EYS: variants seen among roughly 807,000 people sequenced by gnomAD.
EYS encodes EGF-like photoreceptor maintenance factor.
EYS carries 250 observed loss-of-function variants against 282.1 expected under a neutral mutation model. The ratio of observed to expected loss-of-function variants is 0.89; its 90% CI spans 0.80 to 0.98. The LOEUF is 0.98. Among genes scored for constraint, EYS ranks in the 50% least tolerant of loss-of-function variants. The pLI is 0.00. For missense variants in EYS, 4,016 were observed against 3,709.0 expected (o/e 1.08, Z -2.15); for synonymous variants, 1,355 against 1,282.9 (o/e 1.06, Z -1.20).
chr6:65,508,409 C>T (rs969114103), intron 2 of EYS, among the ~76,000 whole-genome samples: 2 of 152,038 alleles, frequency 1.3e-5, no homozygotes, highest in African/African-American at 4.8e-5. Flanking sequence ...AGTGGTGGCT[C>T]ACACCTGTAA....
chr6:64,259,677 A>G (rs202146639), intron 30 of EYS, among the ~76,000 whole-genome samples: 1 of 67,724 alleles, frequency 1.5e-5, no homozygotes, highest in Non-Finnish European at 3.3e-5. Flanking sequence ...CACACACACA[A>G]TCTGAGTTCT....
At chr6:64,131,219 G>C (rs1299310765) in intron 31 of EYS, among the ~76,000 whole-genome samples, 1 of 152,164 alleles carries the variant, frequency 6.6e-6, no homozygotes, top group Non-Finnish European at 1.5e-5. Flanking sequence ...TTTTAGAGGG[G>C]AGTGACGTGG....
intron 30 of EYS, among the ~76,000 whole-genome samples, chr6:64,288,744 C>T (rs1414405589): frequency 6.6e-6 from 1 of 152,074 alleles, no homozygotes; most frequent in African/African-American, 2.4e-5. Context: ...ATTTGCTCCT[C>T]TTTTGGTGGT....
At chr6:65,088,730 G>T (rs969060859) in intron 12 of EYS, among the ~76,000 whole-genome samples, 1 of 152,080 alleles carries the variant, frequency 6.6e-6, no homozygotes, top group Non-Finnish European at 1.5e-5. Context: ...AGACAATGGG[G>T]TAACGTCTCC....
At chr6:65,499,983 A>G (rs899560658) in intron 2 of EYS, among the ~76,000 whole-genome samples, 3 of 151,960 alleles carry the variant, frequency 2.0e-5, no homozygotes, top group African/African-American at 7.2e-5. Flanking sequence ...TTAAGTCACC[A>G]TAGTGTCCAA....
At chr6:63,763,606 G>A (rs1264804452) in intron 40 of EYS, among the ~76,000 whole-genome samples, 1 of 151,476 alleles carries the variant, frequency 6.6e-6, no homozygotes, top group Non-Finnish European at 1.5e-5. Context: ...TTTATAAGGG[G>A]CTTCCTTCTT....
intron 29 of EYS, among the ~76,000 whole-genome samples, chr6:64,347,822 G>C (rs1273855474): frequency 6.6e-6 from 1 of 151,082 alleles, no homozygotes; most frequent in Non-Finnish European, 1.5e-5. Context: ...ACTGTGTCGT[G>C]CTATCTTCTT....
chr6:64,490,876 CT>C (rs966334304), intron 26 of EYS, among the ~76,000 whole-genome samples: 3 of 150,692 alleles, frequency 2.0e-5, no homozygotes, highest in African/African-American at 4.8e-5. Context: ...TAAAACCACA[CT>C]TTTTTGTTTT....
chr6:64,726,766 G>A (rs537698060), intron 22 of EYS, among the ~76,000 whole-genome samples: 6 of 152,122 alleles, frequency 3.9e-5, no homozygotes, highest in South Asian at 2.1e-4. Context: ...AAACATAGCC[G>A]AAAGCAGATA....
Position 63,977,806 on chromosome 6 carries a change from C to T in EYS, c.7055+6577G>A, listed in dbSNP as rs138843162. Among the ~76,000 whole-genome samples the T allele has an allele frequency of 2.7e-3, 404 of 152,036 alleles. 2 individuals carry two copies. The highest frequency in any genetic ancestry group is 4.1e-3 in the Non-Finnish European group (277 of 67,934). On this transcript the variant is annotated intron_variant, in intron 35 of 42. Transcript: ENST00000503581. The stretch of plus-strand genomic sequence containing the variant: ...AGAAAACCTTTCGATATTTTTCAGT[C>T]AAATCCCTCCTGTCCCAAGCCAGAC...
chr6:65,623,207 A>G (rs796559138), intron 2 of EYS, among the ~76,000 whole-genome samples: 9 of 152,336 alleles, frequency 5.9e-5, no homozygotes, highest in African/African-American at 2.2e-4. Flanking sequence ...GATAACCTCC[A>G]AAGACTTGGT....
At chr6:65,672,547 C>G (rs952481100) in intron 1 of EYS, among the ~76,000 whole-genome samples, 1 of 151,904 alleles carries the variant, frequency 6.6e-6, no homozygotes, top group Non-Finnish European at 1.5e-5. Context: ...TGCATAGATC[C>G]CAACAAAAAG....
At chr6:65,673,751 G>C (rs939865524) in intron 1 of EYS, among the ~76,000 whole-genome samples, 5 of 152,038 alleles carry the variant, frequency 3.3e-5, no homozygotes, top group African/African-American at 1.2e-4. Context: ...GGACTGTATA[G>C]AGGTGGGAAG....
At chr6:64,720,219 C>G (rs1027149641) in intron 22 of EYS, among the ~76,000 whole-genome samples, 6 of 152,158 alleles carry the variant, frequency 3.9e-5, no homozygotes, top group African/African-American at 9.7e-5. Context: ...TCTTCAAAGC[C>G]AGCAGTGCAG....
rs1011260787 is a variant in EYS at position 65,494,809 on chromosome 6, T to C, written c.602A>G (p.His201Arg). The C allele has an allele frequency of 6.2e-6, 10 of 1,614,084 alleles. No individual in the cohort carries two copies. In the Middle Eastern group the frequency reaches 4.9e-4, roughly 80 times the overall value. The part of the protein sequence containing the change: ...SEAWSKTYSC[H>R]CQPPFSGKYC... ...TTTTCCAGAAAATGGAGGCTGGCAA[T>C]GGCAGCTATATGTCTTGCTCCAAGC... Residue 201 changes from histidine to arginine, a missense_variant, in exon 4 of 43, where the codon CAT (histidine) becomes CGT (arginine). By Grantham distance (29) the His-to-Arg change is conservative. Coordinates refer to ENST00000503581, the MANE Select transcript of EYS (RefSeq NM_001142800.2).
intron 5 of EYS, among the ~76,000 whole-genome samples, chr6:65,434,216 T>C (rs1253884015): frequency 1.3e-5 from 2 of 151,992 alleles, no homozygotes; most frequent in East Asian, 1.9e-4. Flanking sequence ...TATCCAGAGA[T>C]GAAGAGAAGC....
intron 11 of EYS, among the ~76,000 whole-genome samples, chr6:65,322,464 T>TGCAGCAGGAATATATCCATGCGA (rs1262248466): frequency 2.6e-5 from 4 of 152,126 alleles, no homozygotes; most frequent in African/African-American, 9.7e-5. Context: ...GGGCTGGTTA[T>TGCAGCAGGAATATATCCATGCGA]GCAGCAGGAA....
At chr6:64,773,365 A>G (rs967681010) in intron 22 of EYS, among the ~76,000 whole-genome samples, 3 of 151,678 alleles carry the variant, frequency 2.0e-5, no homozygotes, top group Admixed American at 1.3e-4. Context: ...CATTTTCTCA[A>G]TTCAGTCTAC....
chr6:64,274,899 A>G (rs1352646448), intron 30 of EYS, among the ~76,000 whole-genome samples: 1 of 152,180 alleles, frequency 6.6e-6, no homozygotes, highest in Non-Finnish European at 1.5e-5. Flanking sequence ...TTGAATGCCT[A>G]GTGGCGACTA....
Sources: allele counts gnomAD v4.1 joint callset (sites outside exome capture counted in the v4.1 genomes callset), GRCh38; gene constraint gnomAD v4.1.1; transcripts MANE v1.5; gene names NCBI Gene and HGNC (gene_info 2026-07-23, HGNC 2026-07-21).